PACS2: variants seen among roughly 807,000 people sequenced by gnomAD.
PACS2 encodes the protein PACS1-like protein.
In PACS2, 36 loss-of-function variants were observed where a neutral mutation model predicts 113.0. That is an observed-to-expected ratio of 0.32 (90% CI 0.24 to 0.42). The LOEUF (loss-of-function observed/expected upper bound fraction) is 0.42, where lower values mean the gene tolerates loss of function less well. Among genes scored for constraint, PACS2 ranks in the 10% least tolerant of loss-of-function variants. The pLI is 1.00. For missense variants in PACS2, 1,015 were observed against 1,239.5 expected (o/e 0.82, Z 2.72); for synonymous variants, 589 against 536.1 (o/e 1.10, Z -1.36).
intron 4 of PACS2, among the ~76,000 whole-genome samples, chr14:105,359,077 A>C (rs1223729133): frequency 6.6e-6 from 1 of 152,052 alleles, no homozygotes; most frequent in Non-Finnish European, 1.5e-5. Flanking sequence ...CTGGTCACAC[A>C]CACGTCCATC....
Position 105,396,959 on chromosome 14 carries a change from C to T in PACS2, c.*2287C>T, listed in dbSNP as rs1370577552. On this transcript the variant is annotated 3_prime_UTR_variant, in exon 25 of 25. Coordinates refer to ENST00000447393, the MANE Select transcript of PACS2 (RefSeq NM_001100913.3). ...TGTGGGCAGCCCCTTTCCTGGAGCCCTCCTGCCTACCCCGTACCTCCCATC... is the reference window on the plus strand; with the variant it reads ...TGTGGGCAGCCCCTTTCCTGGAGCCTTCCTGCCTACCCCGTACCTCCCATC... 2.0e-5 allele frequency: 3 copies of T among 152,270 alleles called. No homozygotes were observed. The highest frequency in any genetic ancestry group is 2.9e-5 in the Non-Finnish European group (2 of 68,096). The allele number at this position is 152,270 out of a possible 1,614,324, so 9.4% of individuals were successfully genotyped here.
At chr14:105,310,659 G>T (rs770220274), upstream of PACS2, among the ~76,000 whole-genome samples, 1 of 152,054 alleles carries the variant, frequency 6.6e-6, no homozygotes, top group Non-Finnish European at 1.5e-5. Context: ...TTTTCAGGAC[G>T]GGGCGCAGCC....
intron 1 of PACS2, among the ~76,000 whole-genome samples, chr14:105,307,570 T>G (rs1392646529): frequency 1.3e-5 from 2 of 152,158 alleles, no homozygotes; most frequent in African/African-American, 2.4e-5. Context: ...TCTTATCACA[T>G]TTGATCAAAA....
rs1475435345 is a variant in PACS2 at position 105,354,867 on chromosome 14, G to A, written c.298-185G>A. Among the ~76,000 whole-genome samples the A allele has an allele frequency of 2.0e-5, 3 of 152,334 alleles. No individual in the cohort carries two copies. The highest frequency in any genetic ancestry group is 2.9e-5 in the Non-Finnish European group (2 of 68,024). ...TCACTCTTGATTGTGTTGGGTAAAG[G>A]ATGGGCTCTGGGGACCGGCATGCCA... On this transcript the variant is annotated intron_variant, in intron 3 of 24. Coordinates refer to ENST00000447393, the MANE Select transcript of PACS2 (RefSeq NM_001100913.3). This position sits in a 1 kb window ranked among gnomAD's most constrained non-coding sequence, Gnocchi z 4.2.
At chr14:105,325,177 G>GA (rs1566904050) in intron 1 of PACS2, among the ~76,000 whole-genome samples, 1 of 151,492 alleles carries the variant, frequency 6.6e-6, no homozygotes, top group African/African-American at 2.4e-5. Context: ...GACGGGGGGG[G>GA]GCTCGGACAC....
At position 105,314,866 on chromosome 14, in the gene PACS2, T is replaced by G. The variant is rs2140745719; in HGVS notation, c.-53T>G. On this transcript the variant is annotated 5_prime_UTR_variant, in exon 1 of 25. Coordinates refer to ENST00000447393, the MANE Select transcript of PACS2 (RefSeq NM_001100913.3). ...GCGCGCCCGGCCCGCCCGCCGCGCGTCCGCGGCCCGGCCGCAGCCCCAGGC... is the reference window on the plus strand; with the variant it reads ...GCGCGCCCGGCCCGCCCGCCGCGCGGCCGCGGCCCGGCCGCAGCCCCAGGC... 2.4e-6 allele frequency: 2 copies of G among 843,668 alleles called. No homozygotes were observed. The highest frequency in any genetic ancestry group is 2.0e-5 in the African/African-American group (1 of 50,732). 52.3% of individuals were successfully genotyped at this position (843,668 alleles called of 1,614,324 possible).
intron 2 of PACS2, 137 bp from the exon 3 acceptor site, chr14:105,352,241 C>T (rs1254669950): frequency 6.0e-6 from 4 of 666,962 alleles, no homozygotes; most frequent in African/African-American, 1.8e-5. Flanking sequence ...TGAGAATTAC[C>T]CCAGCCTGTG....
chr14:105,390,072 G>A (rs1436796572), intron 20 of PACS2, 69 bp downstream of exon 20: 26 of 1,342,212 alleles, frequency 1.9e-5, no homozygotes, highest in East Asian at 1.4e-4. Flanking sequence ...CAGTCAGAAC[G>A]TTTGGGGATT....
chr14:105,384,857 C>G, intron 17 of PACS2, 22 bp from the exon 18 acceptor site: 1 of 1,482,798 alleles, frequency 6.7e-7, no homozygotes, highest in South Asian at 1.2e-5. Context: ...GCCTAACCCC[C>G]CACCGCCTCC....
At chr14:105,302,311 C>A (rs2058063469) in intron 1 of PACS2, among the ~76,000 whole-genome samples, 1 of 147,640 alleles carries the variant, frequency 6.8e-6, no homozygotes, top group East Asian at 2.1e-4. Context: ...TTAAGCGATT[C>A]TCCTCTCTCA....
At chr14:105,393,437 A>ACACGCACATTCCACGATTCAAGGTG (rs1555415594) in intron 24 of PACS2, 102 bp downstream of exon 24, 3 of 683,930 alleles carry the variant, frequency 4.4e-6, no homozygotes, top group African/African-American at 3.6e-5. Context: ...TCTCGCTGTG[A>ACACGCACATTCCACGATTCAAGGTG]CACGCACATT....
intron 1 of PACS2, among the ~76,000 whole-genome samples, chr14:105,342,739 G>C (rs1555401858): frequency 6.6e-6 from 1 of 151,640 alleles, no homozygotes; most frequent in African/African-American, 2.4e-5. Flanking sequence ...TTCAAAACCA[G>C]CCTGGCCGAT....
At chr14:105,310,803 C>T (rs587602226), upstream of PACS2, among the ~76,000 whole-genome samples, 6 of 152,310 alleles carry the variant, frequency 3.9e-5, no homozygotes, top group African/African-American at 1.4e-4. Context: ...GAAACCAAAT[C>T]AATGGAATCC....
chr14:105,335,319 A>C (rs928236803), intron 1 of PACS2, among the ~76,000 whole-genome samples: 11 of 150,856 alleles, frequency 7.3e-5, no homozygotes, highest in Non-Finnish European at 1.0e-4. Flanking sequence ...CAGTGCCTGG[A>C]GTGGCTGTGA....
Position 105,315,127 on chromosome 14 carries a change from G to C in PACS2, c.119+90G>C. On this transcript the variant is annotated intron_variant, in intron 1 of 24. Transcript: ENST00000447393. This position sits in a 1 kb window ranked among gnomAD's most constrained non-coding sequence, Gnocchi z 4.4. ...TCTGCGCGCCCCATCCCCGGCCCGG[G>C]TCCCCCAGCGGAGCCCAGGTCGCCC... 3 of 823,446 alleles carry C rather than the reference G, an allele frequency of 3.6e-6. No homozygotes were observed. Among genetic ancestry groups the C allele is most frequent in the Non-Finnish European group, 4.5e-6 (3 of 672,724 alleles). 51.0% of individuals were successfully genotyped at this position (823,446 alleles called of 1,614,324 possible).
chr14:105,350,912 G>A (rs922807611), intron 2 of PACS2, among the ~76,000 whole-genome samples: 9 of 152,306 alleles, frequency 5.9e-5, no homozygotes, highest in East Asian at 1.9e-4. Flanking sequence ...GGAGAGCCGC[G>A]CTGCCTCTTG....
At position 105,348,354 on chromosome 14, in the gene PACS2, C is replaced by T. The variant is rs782071386; in HGVS notation, c.120-139C>T. On this transcript the variant is annotated intron_variant, in intron 1 of 24. Transcript: ENST00000447393. The surrounding 1 kb of genome is among the most constrained non-coding windows in gnomAD (Gnocchi z 6.4). ...TGATGTCTTGGAGCCCTGTGAGGTCCTGGGGCCGCCCAGGCAGTCACACCC... is the reference window on the plus strand; with the variant it reads ...TGATGTCTTGGAGCCCTGTGAGGTCTTGGGGCCGCCCAGGCAGTCACACCC... The T allele has an allele frequency of 1.6e-6, 1 of 619,686 alleles. No individual in the cohort carries two copies. Among genetic ancestry groups the T allele is most frequent in the Non-Finnish European group, 2.9e-6 (1 of 350,266 alleles). The allele number at this position is 619,686 out of a possible 1,614,324, so 38.4% of individuals were successfully genotyped here.
intron 4 of PACS2, among the ~76,000 whole-genome samples, chr14:105,364,476 C>A (rs587694510): frequency 9.1e-6 from 1 of 109,354 alleles, no homozygotes; most frequent in Non-Finnish European, 1.9e-5. Context: ...GTCCCGGGTG[C>A]GCGGTGGGTG....
chr14:105,325,259 C>G (rs1048369762), intron 1 of PACS2, among the ~76,000 whole-genome samples: 4 of 151,904 alleles, frequency 2.6e-5, no homozygotes, highest in Non-Finnish European at 4.4e-5. Context: ...TTCAGGGTAG[C>G]GGCTCTCTTC....
Sources: gnomAD v4.1 joint callset for allele counts (sites outside exome capture counted in the v4.1 genomes callset) on GRCh38, gnomAD v4.1.1 for gene constraint, Gnocchi (gnomAD v3.1) non-coding constraint, MANE v1.5 for transcripts, NCBI Gene and HGNC (gene_info 2026-07-23, HGNC 2026-07-21) for gene names.